The following IFI6 variants were observed in gnomAD, a reference collection of about 807,000 sequenced individuals.
The protein encoded by IFI6 is interferon alpha-inducible protein 6.
In IFI6, 10 loss-of-function variants were observed where a neutral mutation model predicts 12.7. The ratio of observed to expected loss-of-function variants is 0.79; its 90% CI spans 0.49 to 1.33. The LOEUF is 1.33. Among genes scored for constraint, IFI6 ranks in the 40% most tolerant of loss-of-function variants. The pLI, the probability that IFI6 is intolerant of heterozygous loss-of-function variation, is 0.00. For synonymous variants in IFI6, 89 were observed against 86.2 expected (o/e 1.03, Z -0.18); for missense variants, 154 against 180.4 (o/e 0.85, Z 0.84).
chr1:27,670,879 C>T (rs913124388), intron 1 of IFI6, among the ~76,000 whole-genome samples: 9 of 152,188 alleles, frequency 5.9e-5, no homozygotes, highest in African/African-American at 2.2e-4. Context: ...ACTTATTAGA[C>T]AGTTATCACT....
At chr1:27,666,854 C>T (rs982777183) in intron 4 of IFI6, among the ~76,000 whole-genome samples, 9 of 152,210 alleles carry the variant, frequency 5.9e-5, no homozygotes, top group African/African-American at 2.2e-4. Flanking sequence ...CCAGAGGTGT[C>T]CCTGGGCTCG....
In IFI6 at chr1:27,666,455, C is replaced by T. The variant is rs74937564; in HGVS notation, c.319G>A (p.Val107Ile). Residue 107 changes from valine to isoleucine, a missense_variant, in exon 5 of 5, where the codon GTC becomes ATC. Val to Ile is a conservative substitution (Grantham distance 29, BLOSUM62 3). Coordinates refer to ENST00000361157, the MANE Select transcript of IFI6 (RefSeq NM_002038.4). Reference sequence around the variant, plus strand: ...ATCAGGGCACCAATATTACCTATGACGACGCTGCTGCCACCAGCCCCTGTA... The same window carrying T: ...ATCAGGGCACCAATATTACCTATGATGACGCTGCTGCCACCAGCCCCTGTA... ...QSLGAGGSSV[V>I]IGNIGALMGY... The T allele has an allele frequency of 1.4e-4, 221 of 1,613,788 alleles. No individual in the cohort carries two copies. Among genetic ancestry groups the T allele is most frequent in the African/African-American group, 9.7e-4 (73 of 74,956 alleles).
At chr1:27,668,173 G>A in intron 4 of IFI6, 53 bp downstream of exon 4, 1 of 1,407,236 alleles carries the variant, frequency 7.1e-7, no homozygotes, top group South Asian at 1.5e-5. Context: ...CCAGATGTAT[G>A]ATGAAAATAA....
Position 27,669,307 on chromosome 1 carries a change from T to C in IFI6, c.8A>G (p.Gln3Arg). The C allele has an allele frequency of 2.6e-6, 4 of 1,552,828 alleles. No homozygotes were observed. Among genetic ancestry groups the C allele is most frequent in the Non-Finnish European group, 3.5e-6 (4 of 1,147,466 alleles). The change falls in exon 2 of 5, where the codon CAG becomes CGG. Residue 3 changes from glutamine (Q) to arginine (R), a missense_variant. Gln to Arg is a conservative substitution (Grantham distance 43). Coordinates refer to ENST00000361157, the MANE Select transcript of IFI6 (RefSeq NM_002038.4). MRQKAVSLFLCYL... is the reference protein window; with the variant it reads MRRKAVSLFLCYL... ...GCACAAGAAAAGCGATACCGCCTTC[T>C]GCCGCATGGTGGCGCCGCGCGCGGG...
At chr1:27,669,216 C>G (rs962146499) in intron 2 of IFI6, 29 bp downstream of exon 2, 2 of 1,551,076 alleles carry the variant, frequency 1.3e-6, no homozygotes, top group African/African-American at 2.7e-5. Context: ...TACCTGTCCC[C>G]TTACCTGCAT....
chr1:27,671,379 A>ATT (rs57090710), intron 1 of IFI6, among the ~76,000 whole-genome samples: 79 of 131,362 alleles, frequency 6.0e-4, no homozygotes, highest in African/African-American at 1.4e-3. Flanking sequence ...CCAAGCCCAC[A>ATT]TTTTTTTTTT....
Position 27,668,352 on chromosome 1 carries a change from C to A in IFI6, c.172G>T (p.Ala58Ser). The A allele has an allele frequency of 6.4e-7, 1 of 1,568,028 alleles. No homozygotes were observed. Among genetic ancestry groups the A allele is most frequent in the Non-Finnish European group, 8.6e-7 (1 of 1,156,626 alleles). Residue 58 changes from alanine to serine, a missense_variant, in exon 4 of 5, where the codon GCG (alanine) becomes TCG (serine). Transcript: ENST00000361157. The stretch of plus-strand genomic sequence containing the variant: ...ATGCCGGCGCCGGTGAAGCCCAGCG[C>A]GGGCAGCCCGGCGACTGCGAGTCCT... The part of the protein sequence containing the change: ...GGGLAVAGLP[A>S]LGFTGAGIAA...
rs1249093375 is a variant in IFI6 at position 27,669,355 on chromosome 1, G to A, written c.-32-9C>T. On this transcript the variant is annotated splice_polypyrimidine_tract_variant and intron_variant, in intron 1 of 4. Coordinates refer to ENST00000361157, the MANE Select transcript of IFI6 (RefSeq NM_002038.4). Reference sequence around the variant, plus strand: ...GGGCTCCGTCACTAGACCTGCGAACGGGCGAGAGGGAGATGGTCCCCGGAG... The same window carrying A: ...GGGCTCCGTCACTAGACCTGCGAACAGGCGAGAGGGAGATGGTCCCCGGAG... 1 of 1,517,282 alleles carries A rather than the reference G, an allele frequency of 6.6e-7. No homozygotes were observed. 94.0% of individuals were successfully genotyped at this position (1,517,282 alleles called of 1,614,324 possible). A position where few individuals can be genotyped will look rare whatever the true frequency, so the allele number is the denominator to read the frequency against.
intron 1 of IFI6, 66 bp from the exon 2 acceptor site, chr1:27,669,412 C>A: frequency 1.0e-6 from 1 of 961,890 alleles, no homozygotes; most frequent in Non-Finnish European, 1.6e-6. Flanking sequence ...CCGTTGTTTT[C>A]CCTTCCAGTT....
At chr1:27,667,908 T>C (rs2148543922) in intron 4 of IFI6, among the ~76,000 whole-genome samples, 1 of 152,264 alleles carries the variant, frequency 6.6e-6, no homozygotes, top group Non-Finnish European at 1.5e-5. Flanking sequence ...CCATCTCTAC[T>C]AAAAATACAA....
At position 27,669,339 on chromosome 1, in the gene IFI6, C is replaced by A; in HGVS notation, c.-25G>T. On this transcript the variant is annotated 5_prime_UTR_variant, in exon 2 of 5. Coordinates refer to ENST00000361157, the MANE Select transcript of IFI6 (RefSeq NM_002038.4). ...TGGTGGCGCCGCGCGCGGGCTCCGTCACTAGACCTGCGAACGGGCGAGAGG... is the reference window on the plus strand; with the variant it reads ...TGGTGGCGCCGCGCGCGGGCTCCGTAACTAGACCTGCGAACGGGCGAGAGG... 1 of 1,550,116 alleles carries A rather than the reference C, an allele frequency of 6.5e-7. No homozygotes were observed. The highest frequency in any genetic ancestry group is 1.2e-5 in the South Asian group (1 of 84,016).
At chr1:27,668,194 C>T in intron 4 of IFI6, 32 bp downstream of exon 4, 5 of 1,448,990 alleles carry the variant, frequency 3.5e-6, no homozygotes, top group South Asian at 1.4e-5. Context: ...TAGTAAAGAA[C>T]GTCCCACCAG....
chr1:27,668,621 C>G (rs1452674329), intron 2 of IFI6, 86 bp from the exon 3 acceptor site: 1 of 1,087,964 alleles, frequency 9.2e-7, no homozygotes, highest in East Asian at 2.6e-5. Flanking sequence ...CAGGACCACT[C>G]CTGGAGGCGG....
At chr1:27,669,051 A>C (rs2090381788) in intron 2 of IFI6, among the ~76,000 whole-genome samples, 194 bp downstream of exon 2, 1 of 2,584 alleles carries the variant, frequency 3.9e-4, no homozygotes, top group Admixed American at 4.7e-3. Flanking sequence ...CTGCATCCTT[A>C]CCCGCATCCT....
rs1199903726 is a variant in IFI6 at position 27,669,233 on chromosome 1, C to T, written c.70+12G>A. The T allele has an allele frequency of 2.6e-6, 4 of 1,551,668 alleles. No homozygotes were observed. Among genetic ancestry groups the T allele is most frequent in the Non-Finnish European group, 3.5e-6 (4 of 1,146,974 alleles). The stretch of plus-strand genomic sequence containing the variant: ...CCTGTCCCCTTACCTGCATCCTTAC[C>T]CGCATTCTCACCTGCCTCCACCCCA... On this transcript the variant is annotated intron_variant, in intron 2 of 4. Coordinates refer to ENST00000361157, the MANE Select transcript of IFI6 (RefSeq NM_002038.4).
chr1:27,668,456 A>C lies in IFI6; in HGVS notation c.148+2T>G, dbSNP rs1457872730. ...CCCGAGATCCTCGCCCTCCAGACCC[A>C]CCTCCTCCGACGGCCATGAAGGTCA... On this transcript the variant is annotated splice_donor_variant, in intron 3 of 4. Coordinates refer to ENST00000361157, the MANE Select transcript of IFI6 (RefSeq NM_002038.4). LOFTEE classifies it high-confidence loss of function. 1 of 1,609,174 alleles carries C rather than the reference A, an allele frequency of 6.2e-7. No individual in the cohort carries two copies. The highest frequency in any genetic ancestry group is 1.1e-5 in the South Asian group (1 of 90,100).
intron 4 of IFI6, among the ~76,000 whole-genome samples, chr1:27,667,838 A>G (rs1162889751): frequency 2.0e-5 from 3 of 152,216 alleles, no homozygotes; most frequent in African/African-American, 7.2e-5. Flanking sequence ...TGGGACGCCG[A>G]GGCGGGCGGA....
chr1:27,666,163 A>C lies in IFI6; in HGVS notation c.*218T>G, dbSNP rs886498246. 4 of 421,178 alleles carry C rather than the reference A, an allele frequency of 9.5e-6. No individual in the cohort carries two copies. The highest frequency in any genetic ancestry group is 1.7e-5 in the Non-Finnish European group (4 of 236,206). 26.1% of individuals were successfully genotyped at this position (421,178 alleles called of 1,614,324 possible). ...TGGGCATCGTCGGCGCATGCTTGTA[A>C]TCCTACTTGGGAGGTTGAGACAGGA... On this transcript the variant is annotated 3_prime_UTR_variant, in exon 5 of 5. Coordinates refer to ENST00000361157, the MANE Select transcript of IFI6 (RefSeq NM_002038.4).
In IFI6 at chr1:27,669,585, T is replaced by C. The variant is rs528737778; in HGVS notation, c.-32-239A>G. 1.6e-4 allele frequency: 76 copies of C among 469,228 alleles called. 1 individual carries two copies. Among genetic ancestry groups the C allele is most frequent in the South Asian group, 1.5e-3 (74 of 48,804 alleles). The allele number at this position is 469,228 out of a possible 1,614,324, so 29.1% of individuals were successfully genotyped here. A position where few individuals can be genotyped will look rare whatever the true frequency, so the allele number is the denominator to read the frequency against. On this transcript the variant is annotated intron_variant, in intron 1 of 4. Coordinates refer to ENST00000361157, the MANE Select transcript of IFI6 (RefSeq NM_002038.4). ...GCGGATTCGCACGGTGTTTGGCACG[T>C]GGTAAGCTCCGCAGATGTCAATATC...
Sources: gnomAD v4.1 joint callset for allele counts (sites outside exome capture counted in the v4.1 genomes callset) on GRCh38, gnomAD v4.1.1 for gene constraint, MANE v1.5 for transcripts, NCBI Gene and HGNC (gene_info 2026-07-23, HGNC 2026-07-21) for gene names.